Variants in CDK19 observed in about 807,000 individuals in gnomAD.
The protein encoded by CDK19 is cyclin dependent kinase 19.
In CDK19, 20 loss-of-function variants were observed where a neutral mutation model predicts 68.3. That is an observed-to-expected ratio of 0.29 (90% confidence interval 0.21 to 0.43). CDK19 has a LOEUF of 0.43. CDK19 is among the 20% of genes least tolerant of loss of function. The pLI, the probability that CDK19 is intolerant of heterozygous loss-of-function variation, is 1.00. For synonymous variants in CDK19, 221 were observed against 222.8 expected, an observed-to-expected ratio of 0.99 and a Z score of 0.07; for missense variants, 339 against 623.5, an observed-to-expected ratio of 0.54 and a Z score of 4.86.
chr6:110,751,199 T>A (rs1490981582), intron 1 of CDK19, among the ~76,000 whole-genome samples: 2 of 152,152 alleles, frequency 1.3e-5, no homozygotes, highest in Non-Finnish European at 2.9e-5. Context: ...TCCCTACCAG[T>A]TGGTGGCCTG....
chr6:110,728,427 C>A (rs1380426544), intron 2 of CDK19, among the ~76,000 whole-genome samples: 1 of 152,142 alleles, frequency 6.6e-6, no homozygotes, highest in Non-Finnish European at 1.5e-5. Flanking sequence ...AATTTCTACC[C>A]ATCTGCCCTC....
At chr6:110,766,549 C>T (rs955549123) in intron 1 of CDK19, among the ~76,000 whole-genome samples, 25 of 151,782 alleles carry the variant, frequency 1.6e-4, no homozygotes, top group Non-Finnish European at 3.2e-4. Flanking sequence ...CTGGACTCCA[C>T]CCTGGGCAAC....
intron 4 of CDK19, among the ~76,000 whole-genome samples, chr6:110,663,285 T>TA: frequency 6.6e-6 from 1 of 152,338 alleles, no homozygotes; most frequent in East Asian, 1.9e-4. Context: ...CAGCAACTCT[T>TA]AAACTCACAA....
At chr6:110,745,512 A>G (rs547311663) in intron 2 of CDK19, among the ~76,000 whole-genome samples, 9 of 152,290 alleles carry the variant, frequency 5.9e-5, no homozygotes, top group African/African-American at 2.2e-4. Context: ...TAAAGACCTT[A>G]TCAGTCCTAA....
In CDK19 at chr6:110,621,498, G is replaced by A; in HGVS notation, c.1111-128C>T. 2.2e-6 allele frequency: 2 copies of A among 893,488 alleles called. No individual in the cohort carries two copies. The highest frequency in any genetic ancestry group is 2.5e-5 in the East Asian group (1 of 40,248). The allele number at this position is 893,488 out of a possible 1,614,324, so 55.3% of individuals were successfully genotyped here. A position where few individuals can be genotyped will look rare whatever the true frequency, so the allele number is the denominator to read the frequency against. On this transcript the variant is annotated intron_variant, in intron 11 of 12. Transcript: ENST00000368911. This position sits in a 1 kb window ranked among gnomAD's most constrained non-coding sequence, Gnocchi z 5.4. ...AATCTATGTGGGACACTAGAGTGAT[G>A]GGGAGGACTGGAGAATGGAGCAGCC...
At chr6:110,703,604 C>A (rs1774194184) in intron 2 of CDK19, among the ~76,000 whole-genome samples, 1 of 152,050 alleles carries the variant, frequency 6.6e-6, no homozygotes. Context: ...CTTTACCAGG[C>A]CAAATAAGGA....
chr6:110,790,447 A>G (rs1182272579), intron 1 of CDK19, among the ~76,000 whole-genome samples: 1 of 152,148 alleles, frequency 6.6e-6, no homozygotes, highest in African/African-American at 2.4e-5. Flanking sequence ...AAGCATGAGA[A>G]ACACTTGAAA....
At chr6:110,772,670 G>A (rs1379905403) in intron 1 of CDK19, among the ~76,000 whole-genome samples, 1 of 152,162 alleles carries the variant, frequency 6.6e-6, no homozygotes, top group Non-Finnish European at 1.5e-5. Flanking sequence ...AGGCAGGAGG[G>A]TTGTTTGAGG....
chr6:110,610,794 C>T lies in CDK19; in HGVS notation c.*3741G>A, dbSNP rs968488180. On this transcript the variant is annotated 3_prime_UTR_variant, in exon 13 of 13. Transcript: ENST00000368911. ...TTCTTCCTTCATTGTATAGTTTCTG[C>T]TGCATAAATTTACTCAAAAGCACAT... 2 of 152,142 alleles carry T rather than the reference C, an allele frequency of 1.3e-5. No individual in the cohort carries two copies. Among genetic ancestry groups the T allele is most frequent in the African/African-American group, 2.4e-5 (1 of 41,446 alleles). The allele number at this position is 152,142 out of a possible 1,614,324, so 9.4% of individuals were successfully genotyped here. A position where few individuals can be genotyped will look rare whatever the true frequency, so the allele number is the denominator to read the frequency against.
At chr6:110,756,875 A>T (rs1409447159) in intron 1 of CDK19, among the ~76,000 whole-genome samples, 3 of 152,210 alleles carry the variant, frequency 2.0e-5, no homozygotes, top group African/African-American at 7.2e-5. Flanking sequence ...GTTGATTTTG[A>T]AGTAGCAACT....
chr6:110,681,030 T>A lies in CDK19; in HGVS notation c.205-10489A>T, dbSNP rs566098664. Among the ~76,000 whole-genome samples the A allele has an allele frequency of 4.1e-5, 6 of 146,076 alleles. 1 individual carries two copies. The East Asian group carries it at 1.2e-3, about 30-fold the overall frequency. On this transcript the variant is annotated intron_variant, in intron 2 of 12. Transcript: ENST00000368911. Reference sequence around the variant, plus strand: ...TAAATAAATAAAATAAAATAAAATATAAAGAGATATAAATAACAGAAAATG... The same window carrying A: ...TAAATAAATAAAATAAAATAAAATAAAAAGAGATATAAATAACAGAAAATG...
In CDK19 at chr6:110,617,686, C is replaced by T. The variant is rs1280302702; in HGVS notation, c.1378-3020G>A. ...ATACACACACACACACACACACACACACACACACACACACACACAAATTAG... is the reference window on the plus strand; with the variant it reads ...ATACACACACACACACACACACACATACACACACACACACACACAAATTAG... On this transcript the variant is annotated intron_variant, in intron 12 of 12. Transcript: ENST00000368911. 9.5e-4 allele frequency among the ~76,000 whole-genome samples: 139 copies of T among 146,370 alleles called. 4 individuals are homozygous for T. In the East Asian group the frequency reaches 0.023, roughly 24 times the overall value.
rs1411142284 is a variant in CDK19 at position 110,646,227 on chromosome 6, G to A, written c.457-7521C>T. 8 of 1,466,840 alleles carry A rather than the reference G, an allele frequency of 5.5e-6. No individual in the cohort carries two copies. In the South Asian group the frequency reaches 8.0e-5, roughly 15 times the overall value. The allele number at this position is 1,466,840 out of a possible 1,614,324, so 90.9% of individuals were successfully genotyped here. A position where few individuals can be genotyped will look rare whatever the true frequency, so the allele number is the denominator to read the frequency against. Reference sequence around the variant, plus strand: ...CAACTCGTCGGGGTCCGACGCGCAGGAGCTGCTGGCTCTGTGGCCGTTCCA... The same window carrying A: ...CAACTCGTCGGGGTCCGACGCGCAGAAGCTGCTGGCTCTGTGGCCGTTCCA... On this transcript the variant is annotated intron_variant, in intron 4 of 12. Coordinates refer to ENST00000368911, the MANE Select transcript of CDK19 (RefSeq NM_015076.5).
At chr6:110,691,698 A>T (rs1361612924) in intron 2 of CDK19, among the ~76,000 whole-genome samples, 3 of 149,724 alleles carry the variant, frequency 2.0e-5, no homozygotes, top group Admixed American at 2.0e-4. Context: ...CCCAGGTTGG[A>T]GTACAATGGC....
rs1351590300 is a variant in CDK19, at chr6:110,799,141, A to AT, written c.128+15867dup. 2.8e-4 allele frequency among the ~76,000 whole-genome samples: 16 copies of AT among 56,614 alleles called. No homozygotes were observed. The East Asian group carries it at 4.7e-3, about 17-fold the overall frequency. 37.1% of individuals were successfully genotyped at this position (56,614 alleles called of 152,430 possible). A position where few individuals can be genotyped will look rare whatever the true frequency, so the allele number is the denominator to read the frequency against. Reference sequence around the variant, plus strand: ...CTGGGTGTTAAGAGTAAAACCCTGTATTTAAAAAAAAAAAAAAAAAAAAAA... The same window carrying AT: ...CTGGGTGTTAAGAGTAAAACCCTGTATTTTAAAAAAAAAAAAAAAAAAAAAA... On this transcript the variant is annotated intron_variant, in intron 1 of 12. Coordinates refer to ENST00000368911, the MANE Select transcript of CDK19 (RefSeq NM_015076.5).
intron 4 of CDK19, among the ~76,000 whole-genome samples, chr6:110,661,521 C>T (rs556022204): frequency 2.8e-4 from 42 of 152,222 alleles, no homozygotes; most frequent in Admixed American, 1.6e-3. Context: ...ATACAAACAG[C>T]GCACTACAGC....
At chr6:110,641,634 G>GAAA (rs1780180907) in intron 4 of CDK19, among the ~76,000 whole-genome samples, 1 of 127,818 alleles carries the variant, frequency 7.8e-6, no homozygotes, top group African/African-American at 3.3e-5. Flanking sequence ...GAGGAAAGGA[G>GAAA]GAAAGGGAAA....
At chr6:110,620,578 T>C (rs1487593796) in intron 12 of CDK19, among the ~76,000 whole-genome samples, 1 of 152,222 alleles carries the variant, frequency 6.6e-6, no homozygotes, top group Non-Finnish European at 1.5e-5. Flanking sequence ...GCAATTGGTG[T>C]TCTCTTTTTA....
chr6:110,724,337 A>G lies in CDK19; in HGVS notation c.204+21789T>C, dbSNP rs1024961743. On this transcript the variant is annotated intron_variant, in intron 2 of 12. Transcript: ENST00000368911. ...GCCATTGCACTGCAGCCTAAGCAAC[A>G]AGAGCGAAACTCCACCTTAAAAAAA... Among the ~76,000 whole-genome samples the G allele has an allele frequency of 8.5e-5, 13 of 152,306 alleles. 1 individual carries two copies. Among genetic ancestry groups the G allele is most frequent in the Admixed American group, 7.9e-4 (12 of 15,286 alleles).
Sources: gnomAD v4.1 joint callset for allele counts (sites outside exome capture counted in the v4.1 genomes callset) on GRCh38, gnomAD v4.1.1 for gene constraint, Gnocchi (gnomAD v3.1) non-coding constraint, MANE v1.5 for transcripts, NCBI Gene and HGNC (gene_info 2026-07-23, HGNC 2026-07-21) for gene names.